FGD3: variants seen among roughly 807,000 people sequenced by gnomAD.
FGD3 encodes the protein FYVE, RhoGEF and PH domain-containing protein 3.
A neutral mutation model predicts 71.8 loss-of-function variants in FGD3; 45 were observed. The observed-to-expected ratio is 0.63, with a 90% CI of 0.49 to 0.80. The LOEUF is 0.80. FGD3 is among the 30% of genes least tolerant of loss of function. The pLI is 0.00. For missense variants in FGD3, 844 were observed against 951.5 expected, an observed-to-expected ratio of 0.89 and a Z score of 1.49; for synonymous variants, 378 against 392.8, an observed-to-expected ratio of 0.96 and a Z score of 0.44.
At chr9:92,987,441 AAAAAG>A (rs1490197534) in intron 3 of FGD3, among the ~76,000 whole-genome samples, 2 of 151,816 alleles carry the variant, frequency 1.3e-5, no homozygotes, top group African/African-American at 2.4e-5. Flanking sequence ...CAAAAAAAAA[AAAAAG>A]AAAGAAAGAA....
rs1424045380 is a variant in FGD3, at chr9:92,969,521, C to T, written c.-217-5717C>T. 1.3e-5 allele frequency among the ~76,000 whole-genome samples: 2 copies of T among 152,204 alleles called. No homozygotes were observed. Among genetic ancestry groups the T allele is most frequent in the Non-Finnish European group, 2.9e-5 (2 of 68,042 alleles). On this transcript the variant is annotated intron_variant, in intron 1 of 17. Coordinates refer to ENST00000375482, the MANE Select transcript of FGD3 (RefSeq NM_001083536.2). The surrounding 1 kb of genome is among the most constrained non-coding windows in gnomAD (Gnocchi z 4.5). ...AAAACCACCACTAACGCGTTTGTTGCTCCCCCTACATAACATGCCATTGTT... is the reference window on the plus strand; with the variant it reads ...AAAACCACCACTAACGCGTTTGTTGTTCCCCCTACATAACATGCCATTGTT...
At chr9:92,952,057 T>C (rs1858963597) in intron 1 of FGD3, among the ~76,000 whole-genome samples, 1 of 152,088 alleles carries the variant, frequency 6.6e-6, no homozygotes, top group Non-Finnish European at 1.5e-5. Context: ...CTATGCTGCA[T>C]AAGGAATAAT....
intron 15 of FGD3, among the ~76,000 whole-genome samples, chr9:93,031,063 G>C (rs1317114996): frequency 1.3e-5 from 2 of 151,842 alleles, no homozygotes; most frequent in Non-Finnish European, 1.5e-5. Flanking sequence ...GATAATGAAT[G>C]GGTGGATGGA....
At chr9:93,028,606 C>A (rs953550189) in intron 14 of FGD3, among the ~76,000 whole-genome samples, 1 of 152,170 alleles carries the variant, frequency 6.6e-6, no homozygotes, top group African/African-American at 2.4e-5. Flanking sequence ...AATGATGGGG[C>A]CTTTCCAGGG....
chr9:92,989,644 G>A (rs998309828), intron 3 of FGD3, among the ~76,000 whole-genome samples: 2 of 152,212 alleles, frequency 1.3e-5, no homozygotes, highest in African/African-American at 4.8e-5. Flanking sequence ...GAAAGGGAAG[G>A]TATGTTAATC....
chr9:92,976,734 G>T (rs560717901), intron 3 of FGD3, 25 bp downstream of exon 3: 1 of 1,533,948 alleles, frequency 6.5e-7, no homozygotes, highest in South Asian at 1.3e-5. Context: ...CTCTGTCCCC[G>T]CTGCGGGCTG....
intron 3 of FGD3, among the ~76,000 whole-genome samples, chr9:92,983,308 G>A (rs1860064606): frequency 6.6e-6 from 1 of 151,870 alleles, no homozygotes; most frequent in Non-Finnish European, 1.5e-5. Context: ...GGATCATGAG[G>A]TCAGGAGATC....
At chr9:92,962,842 G>A (rs1255668553) in intron 1 of FGD3, among the ~76,000 whole-genome samples, 1 of 151,228 alleles carries the variant, frequency 6.6e-6, no homozygotes, top group Non-Finnish European at 1.5e-5. Context: ...TTGGAAGGAT[G>A]AGGCAGGAGA....
intron 3 of FGD3, among the ~76,000 whole-genome samples, chr9:92,990,996 A>G (rs2118646315): frequency 6.6e-6 from 1 of 152,222 alleles, no homozygotes; most frequent in Middle Eastern, 3.4e-3. Flanking sequence ...ATTGGTATCA[A>G]TTGTTCTTTA....
Position 92,976,615 on chromosome 9 carries a change from T to C in FGD3, c.359T>C (p.Val120Ala). The C allele has an allele frequency of 6.2e-7, 1 of 1,612,770 alleles. No individual in the cohort carries two copies. The highest frequency in any genetic ancestry group is 1.7e-4 in the Middle Eastern group (1 of 6,058). ...GCCCTGGACAGCCAGGTCCCGAAGG[T>C]CACCCCCCAGGAGGAGGCGGACAGC... The part of the protein sequence containing the change: ...EMALDSQVPK[V>A]TPQEEADSDV... The change falls in exon 3 of 18, where the codon GTC becomes GCC. Residue 120 changes from valine (V) to alanine (A), a missense_variant. Physicochemically the swap from Val to Ala is moderately conservative, Grantham distance 64. Transcript: ENST00000375482.
At chr9:93,015,380 C>T (rs770174166) in intron 9 of FGD3, among the ~76,000 whole-genome samples, 7 of 152,026 alleles carry the variant, frequency 4.6e-5, no homozygotes, top group African/African-American at 9.7e-5. Flanking sequence ...CTCTTAAACA[C>T]GGGAGACGGA....
chr9:93,013,253 G>A (rs1005115743), intron 8 of FGD3, among the ~76,000 whole-genome samples: 2 of 152,260 alleles, frequency 1.3e-5, no homozygotes, highest in African/African-American at 4.8e-5. Flanking sequence ...TGTACAGGCT[G>A]AGATCACTCA....
At chr9:93,024,102 C>T (rs1004467361) in intron 14 of FGD3, among the ~76,000 whole-genome samples, 4 of 152,150 alleles carry the variant, frequency 2.6e-5, no homozygotes, top group African/African-American at 4.8e-5. Flanking sequence ...GATGGGAATC[C>T]GCCCGTCAGC....
At position 93,010,255 on chromosome 9, in the gene FGD3, G is replaced by T. The variant is rs758573790; in HGVS notation, c.847G>T (p.Val283Leu). The change falls in exon 7 of 18, where the codon GTA becomes TTA. Residue 283 changes from valine to leucine, a missense_variant. Transcript: ENST00000375482. Reference protein sequence around the residue: ...DVVHSIQKQEVCGNLTLQHHM... With the variant: ...DVVHSIQKQELCGNLTLQHHM... ...CCCTCTGTCCCCACAGAAGCAGGAG[G>T]TATGCGGGAACCTGACGCTGCAGCA... 3.7e-5 allele frequency: 60 copies of T among 1,609,600 alleles called. No homozygotes were observed. Among genetic ancestry groups the T allele is most frequent in the Non-Finnish European group, 4.8e-5 (57 of 1,176,734 alleles).
chr9:92,998,213 T>C (rs1446295172), intron 3 of FGD3, among the ~76,000 whole-genome samples: 1 of 152,208 alleles, frequency 6.6e-6, no homozygotes, highest in Non-Finnish European at 1.5e-5. Flanking sequence ...CTTCATTTCA[T>C]TCATTTGATC....
chr9:93,004,680 G>A (rs1860986109), intron 5 of FGD3, among the ~76,000 whole-genome samples: 1 of 152,116 alleles, frequency 6.6e-6, no homozygotes, highest in African/African-American at 2.4e-5. Context: ...TGCGTGTTGC[G>A]TTTCCCCTCA....
At chr9:93,005,232 C>T (rs1050046695) in intron 5 of FGD3, among the ~76,000 whole-genome samples, 8 of 152,160 alleles carry the variant, frequency 5.3e-5, no homozygotes, top group Non-Finnish European at 7.3e-5. Context: ...ACACCATTCC[C>T]CTGCCTCAGC....
chr9:92,948,202 G>C (rs1483006827), intron 1 of FGD3, among the ~76,000 whole-genome samples: 2 of 150,836 alleles, frequency 1.3e-5, no homozygotes, highest in African/African-American at 4.9e-5. Context: ...CCATGGCAAC[G>C]GGGACCCCAT....
rs118184691 is a variant in FGD3 at position 92,958,294 on chromosome 9, C to T, written c.-218+10565C>T. Among the ~76,000 whole-genome samples the T allele has an allele frequency of 5.1e-3, 782 of 152,258 alleles. 4 individuals carry two copies. Among genetic ancestry groups the T allele is most frequent in the Non-Finnish European group, 8.3e-3 (566 of 68,018 alleles). ...GATTACAGGCATGAGCCACCTTGCC[C>T]GGCCTTAAAGACTTAATTTTTTTAT... is the stretch of plus-strand genomic sequence containing the variant. On this transcript the variant is annotated intron_variant, in intron 1 of 17. Coordinates refer to ENST00000375482, the MANE Select transcript of FGD3 (RefSeq NM_001083536.2).
Sources: allele counts gnomAD v4.1 joint callset (sites outside exome capture counted in the v4.1 genomes callset), GRCh38; gene constraint gnomAD v4.1.1; non-coding constraint Gnocchi (gnomAD v3.1); transcripts MANE v1.5; gene names NCBI Gene and HGNC (gene_info 2026-07-23, HGNC 2026-07-21).